RPS6KC1: variants seen among roughly 807,000 people sequenced by gnomAD.
RPS6KC1 encodes ribosomal protein S6 kinase C1, also known as inactive ribosomal protein S6 kinase delta-1.
RPS6KC1 carries 54 observed loss-of-function variants against 103.8 expected under a neutral mutation model. The ratio of observed to expected loss-of-function variants is 0.52; its 90% confidence interval spans 0.42 to 0.65. The LOEUF (loss-of-function observed/expected upper bound fraction) is 0.65, where lower values mean the gene tolerates loss of function less well. RPS6KC1 is among the 30% of genes least tolerant of loss of function. The probability of loss-of-function intolerance (pLI) is 0.00; values close to 1 mark genes in which losing one functional copy is unlikely to be tolerated. For synonymous variants in RPS6KC1, 439 were observed against 438.7 expected (o/e 1.00, Z -0.01); for missense variants, 1,151 against 1,253.8 (o/e 0.92, Z 1.24).
chr1:213,800,746 T>A, the RPS6KC1 span, among the ~76,000 whole-genome samples: 1 of 152,212 alleles, frequency 6.6e-6, no homozygotes, highest in Non-Finnish European at 1.5e-5. Context: ...ATATTCTTCA[T>A]TTTTTCTTTT....
chr1:213,861,664 C>T, the RPS6KC1 span, among the ~76,000 whole-genome samples: 1 of 152,338 alleles, frequency 6.6e-6, no homozygotes, highest in Non-Finnish European at 1.5e-5. Context: ...CTATCGCTTC[C>T]TCAGGCAGGA....
At chr1:213,099,441 A>G (rs1394261343) in intron 3 of RPS6KC1, among the ~76,000 whole-genome samples, 1 of 152,236 alleles carries the variant, frequency 6.6e-6, no homozygotes, top group Non-Finnish European at 1.5e-5. Context: ...AAGTGCAGAT[A>G]CCAGTGTCTT....
At chr1:213,729,582 G>T in the RPS6KC1 span, among the ~76,000 whole-genome samples, 1 of 151,878 alleles carries the variant, frequency 6.6e-6, no homozygotes, top group Non-Finnish European at 1.5e-5. Flanking sequence ...AAACCTGTTG[G>T]TCTCTCAAAA....
intron 8 of RPS6KC1, among the ~76,000 whole-genome samples, chr1:213,205,856 T>G (rs1298706682): frequency 6.6e-6 from 1 of 152,082 alleles, no homozygotes; most frequent in Admixed American, 6.5e-5. Flanking sequence ...CAGATTTTGG[T>G]GTGTTTTCTC....
At chr1:213,817,304 T>G in the RPS6KC1 span, among the ~76,000 whole-genome samples, 1 of 152,168 alleles carries the variant, frequency 6.6e-6, no homozygotes. Context: ...GGCAGGGCCA[T>G]TCAGAGGCCA....
chr1:213,376,204 T>C, the RPS6KC1 span, among the ~76,000 whole-genome samples: 1 of 152,078 alleles, frequency 6.6e-6, no homozygotes, highest in Non-Finnish European at 1.5e-5. Context: ...TCTAGTACTG[T>C]ATATGTTTTC....
At chr1:213,548,594 G>A in the RPS6KC1 span, among the ~76,000 whole-genome samples, 1 of 152,214 alleles carries the variant, frequency 6.6e-6, no homozygotes, top group South Asian at 2.1e-4. Flanking sequence ...CTGGGAGGCA[G>A]AGGTTGCAGT....
the RPS6KC1 span, among the ~76,000 whole-genome samples, chr1:213,630,313 C>T: frequency 6.6e-6 from 1 of 152,182 alleles, no homozygotes; most frequent in Admixed American, 6.5e-5. Context: ...TCTCTTCTCA[C>T]TTCGTTTCAT....
the RPS6KC1 span, among the ~76,000 whole-genome samples, chr1:213,393,814 G>A: frequency 6.6e-6 from 1 of 152,180 alleles, no homozygotes; most frequent in African/African-American, 2.4e-5. Flanking sequence ...GGAGGAGAAG[G>A]AGGAGGACCT....
chr1:213,059,907 G>A (rs12063508), intron 1 of RPS6KC1, among the ~76,000 whole-genome samples: 132 of 152,264 alleles, frequency 8.7e-4, no homozygotes, highest in African/African-American at 2.6e-3. Context: ...TATTGACCTC[G>A]TGATCTGCCT....
intron 8 of RPS6KC1, among the ~76,000 whole-genome samples, chr1:213,196,597 G>A (rs1279784043): frequency 6.6e-6 from 1 of 152,144 alleles, no homozygotes; most frequent in African/African-American, 2.4e-5. Flanking sequence ...TTATCTTCTA[G>A]AATTTTTATG....
chr1:213,704,154 G>C, the RPS6KC1 span, among the ~76,000 whole-genome samples: 1 of 151,786 alleles, frequency 6.6e-6, no homozygotes, highest in Non-Finnish European at 1.5e-5. Context: ...TTGGGAGGCC[G>C]AGGCGGGCGG....
At chr1:213,117,250 C>A in intron 4 of RPS6KC1, 67 bp from the exon 5 acceptor site, 16 of 818,016 alleles carry the variant, frequency 2.0e-5, no homozygotes, top group Middle Eastern at 2.9e-4. Context: ...ATTGGGATAA[C>A]TATTTTTTAT....
the RPS6KC1 span, among the ~76,000 whole-genome samples, chr1:213,826,504 G>A: frequency 1.3e-5 from 2 of 152,138 alleles, no homozygotes; most frequent in African/African-American, 4.8e-5. Flanking sequence ...CAACAACCTT[G>A]TAGGCAGAAC....
chr1:213,148,084 A>G (rs1360007423), intron 6 of RPS6KC1, among the ~76,000 whole-genome samples: 1 of 152,230 alleles, frequency 6.6e-6, no homozygotes. Flanking sequence ...AGCAGTTCTA[A>G]TAATTTTCTT....
chr1:213,637,220 T>C, the RPS6KC1 span, among the ~76,000 whole-genome samples: 1 of 152,172 alleles, frequency 6.6e-6, no homozygotes, highest in East Asian at 1.9e-4. Context: ...CTCAAGGATC[T>C]AGAACTAGAA....
intron 8 of RPS6KC1, among the ~76,000 whole-genome samples, chr1:213,225,066 G>A (rs1222396674): frequency 6.6e-6 from 1 of 152,146 alleles, no homozygotes; most frequent in Non-Finnish European, 1.5e-5. Context: ...AGTTGAAGGT[G>A]CTTCTTTTAA....
rs373118301 is a variant in RPS6KC1, at chr1:213,167,976, A to G, written c.951+3A>G. Reference sequence around the variant, plus strand: ...CTCAGCTTGATGATGTATCTCAGGTATGTCTCATATTTTGTTGTGTGTTTT... The same window carrying G: ...CTCAGCTTGATGATGTATCTCAGGTGTGTCTCATATTTTGTTGTGTGTTTT... On this transcript the variant is annotated splice_donor_region_variant and intron_variant, in intron 7 of 14. Coordinates refer to ENST00000366960, the MANE Select transcript of RPS6KC1 (RefSeq NM_012424.6). 30 of 1,579,058 alleles carry G rather than the reference A, an allele frequency of 1.9e-5. 1 individual carries two copies. Among genetic ancestry groups the G allele is most frequent in the South Asian group, 1.3e-4 (12 of 89,338 alleles).
chr1:213,725,412 C>T, the RPS6KC1 span, among the ~76,000 whole-genome samples: 6 of 152,230 alleles, frequency 3.9e-5, no homozygotes, highest in East Asian at 1.9e-4. Flanking sequence ...GCTCTCAGGC[C>T]GCTCGGCAGC....
Sources: allele counts gnomAD v4.1 joint callset (sites outside exome capture counted in the v4.1 genomes callset), GRCh38; gene constraint gnomAD v4.1.1; transcripts MANE v1.5; gene names NCBI Gene and HGNC (gene_info 2026-07-23, HGNC 2026-07-21).